NCOR2: variants seen among roughly 807,000 people sequenced by gnomAD.
NCOR2 encodes CTG repeat protein 26.
In NCOR2, 81 loss-of-function variants were observed where a neutral mutation model predicts 262.9. That is an observed-to-expected ratio of 0.31 (90% CI 0.26 to 0.37). The LOEUF (loss-of-function observed/expected upper bound fraction) is 0.37, where lower values mean the gene tolerates loss of function less well. NCOR2 is among the 10% of genes least tolerant of loss of function. NCOR2 has a pLI of 1.00. For synonymous variants in NCOR2, 1,659 were observed against 1,559.3 expected, an observed-to-expected ratio of 1.06 and a Z score of -1.51; for missense variants, 3,385 against 3,621.4, an observed-to-expected ratio of 0.93 and a Z score of 1.68.
At chr12:124,398,276 C>A in intron 15 of NCOR2, 95 bp from the exon 18 acceptor site, 1 of 1,377,676 alleles carries the variant, frequency 7.3e-7, no homozygotes, top group Non-Finnish European at 1.0e-6. Flanking sequence ...AGGGAGTAGA[C>A]CAGGCCTTGA....
chr12:124,446,866 T>C (rs1362392842), intron 7 of NCOR2, among the ~76,000 whole-genome samples: 1 of 152,210 alleles, frequency 6.6e-6, no homozygotes, highest in African/African-American at 2.4e-5. Flanking sequence ...GTTGACTACT[T>C]ACAGTGTAGG....
Position 124,327,414 on chromosome 12 carries a change from G to C in NCOR2, c.7178C>G (p.Ser2393Trp), listed in dbSNP as rs368691194. 31 of 1,609,100 alleles carry C rather than the reference G, an allele frequency of 1.9e-5. No homozygotes were observed. The Admixed American group carries it at 5.2e-4, about 27-fold the overall frequency. The change falls in exon 45 of 47, where the codon TCG (serine) becomes TGG (tryptophan). Residue 2393 changes from serine (S) to tryptophan (W), a missense_variant. Physicochemically the swap from Ser to Trp is radical, Grantham distance 177. Coordinates refer to ENST00000405201, the Ensembl canonical transcript of NCOR2. ...GGCGGGGGTGGCCTGCAGACCTGGC[G>C]AGGTGAGTGTGTGGTCACTCCGTCC...
chr12:124,396,718 G>A (rs1383706660), intron 16 of NCOR2, among the ~76,000 whole-genome samples: 1 of 152,090 alleles, frequency 6.6e-6, no homozygotes, highest in Non-Finnish European at 1.5e-5. Flanking sequence ...TGAGGGCGAG[G>A]GGCAGGGTCC....
At chr12:124,346,812 G>A (rs772275617) in exon 31 of NCOR2, 5 of 1,578,374 alleles carry the variant, frequency 3.2e-6, no homozygotes, top group South Asian at 2.3e-5. Flanking sequence ...TCCCGACGCA[G>A]GTAGTCCTCC....
At chr12:124,425,166 A>C (rs1411511569) in intron 11 of NCOR2, among the ~76,000 whole-genome samples, 1 of 152,160 alleles carries the variant, frequency 6.6e-6, no homozygotes, top group Non-Finnish European at 1.5e-5. Context: ...CGAGGTCAGG[A>C]GATCGAGACC....
chr12:124,355,675 A>G, intron 23 of NCOR2, 104 bp from the exon 26 acceptor site: 1 of 1,425,898 alleles, frequency 7.0e-7, no homozygotes, highest in Non-Finnish European at 9.2e-7. Context: ...CTGGCCAGGA[A>G]GTGCCCATCC....
At chr12:124,383,964 G>T (rs890860398) in intron 17 of NCOR2, among the ~76,000 whole-genome samples, 1 of 152,298 alleles carries the variant, frequency 6.6e-6, no homozygotes, top group Non-Finnish European at 1.5e-5. Context: ...CAGGCTGTGT[G>T]GCAGCAGGCT....
At chr12:124,341,382 G>C (rs904773862) in intron 34 of NCOR2, among the ~76,000 whole-genome samples, 7 of 152,112 alleles carry the variant, frequency 4.6e-5, no homozygotes, top group African/African-American at 1.7e-4. Context: ...TGGGACTACA[G>C]GTGCGCATCA....
exon 4 of NCOR2, chr12:124,473,091 G>C: frequency 1.2e-6 from 2 of 1,614,022 alleles, no homozygotes; most frequent in Non-Finnish European, 1.7e-6. Context: ...CGGGGGGCTG[G>C]GGGGAGACAC....
chr12:124,465,956 C>T (rs2046393078), intron 5 of NCOR2, among the ~76,000 whole-genome samples: 1 of 152,248 alleles, frequency 6.6e-6, no homozygotes, highest in Non-Finnish European at 1.5e-5. Context: ...CCACACCCAT[C>T]TGAGTGTCTG....
chr12:124,458,888 T>C (rs1455241878), intron 5 of NCOR2, among the ~76,000 whole-genome samples: 1 of 152,060 alleles, frequency 6.6e-6, no homozygotes, highest in Non-Finnish European at 1.5e-5. Context: ...CCTGGGGTAC[T>C]GAAGATGGGA....
chr12:124,411,265 T>TAC (rs61536219), intron 13 of NCOR2, among the ~76,000 whole-genome samples: 2,577 of 151,590 alleles, frequency 0.017, 80 homozygotes, highest in African/African-American at 0.056. Context: ...TGTGCGCGCA[T>TAC]ACACACACAG....
chr12:124,361,388 G>C (rs1265526796), intron 22 of NCOR2, among the ~76,000 whole-genome samples: 2 of 152,258 alleles, frequency 1.3e-5, no homozygotes, highest in Non-Finnish European at 2.9e-5. Context: ...ACCTGGAGAA[G>C]ATGCCTCTTT....
chr12:124,362,207 G>A, exon 22 of NCOR2: 1 of 1,311,096 alleles, frequency 7.6e-7, no homozygotes, highest in African/African-American at 1.5e-5. Flanking sequence ...TCGCTCTCCG[G>A]CTGCAGGTTT....
exon 31 of NCOR2, chr12:124,346,738 C>T: frequency 6.4e-7 from 1 of 1,560,476 alleles, no homozygotes. Flanking sequence ...TCTTGTAGGC[C>T]TCGGTCAGGT....
chr12:124,393,111 C>T (rs898369409), intron 16 of NCOR2, among the ~76,000 whole-genome samples: 10 of 152,362 alleles, frequency 6.6e-5, no homozygotes, highest in Non-Finnish European at 1.0e-4. Context: ...AGGGCTGGGG[C>T]CTGGAGGAGC....
rs575335100 is a variant in NCOR2 at position 124,558,044 on chromosome 12, G to T, written c.-165+9264C>A. The stretch of plus-strand genomic sequence containing the variant: ...CAGGCTCTCCTCTTTAGCTTCAGGA[G>T]CAGGGCTGGCACCAGGCAGGTTCCC... On this transcript the variant is annotated intron_variant, in intron 1 of 32. Coordinates refer to the NCOR2 transcript ENST00000458234. Among the ~76,000 whole-genome samples the T allele has an allele frequency of 9.5e-4, 144 of 152,266 alleles. 2 individuals carry two copies. Among genetic ancestry groups the T allele is most frequent in the Admixed American group, 1.8e-3 (28 of 15,304 alleles).
intron 1 of NCOR2, among the ~76,000 whole-genome samples, chr12:124,561,273 G>A (rs998914372): frequency 2.0e-5 from 3 of 152,184 alleles, no homozygotes; most frequent in African/African-American, 4.8e-5. Context: ...GCACTGCCCC[G>A]TAGGGTCAGT....
chr12:124,551,239 G>A (rs766518724), intron 1 of NCOR2, among the ~76,000 whole-genome samples: 2 of 152,174 alleles, frequency 1.3e-5, no homozygotes, highest in Non-Finnish European at 2.9e-5. Flanking sequence ...CAGGTCTGCC[G>A]CTTGTCTAGC....
Sources: allele counts gnomAD v4.1 joint callset (sites outside exome capture counted in the v4.1 genomes callset), GRCh38; gene constraint gnomAD v4.1.1; transcripts MANE v1.5; gene names NCBI Gene and HGNC (gene_info 2026-07-23, HGNC 2026-07-21).